Variants in DRC4 observed in about 807,000 individuals in gnomAD.
DRC4 encodes the protein dynein regulatory complex subunit 4, also known as GAS-11.
At chr16:90,034,468 A>C in the DRC4 span, among the ~76,000 whole-genome samples, 9 of 152,050 alleles carry the variant, frequency 5.9e-5, no homozygotes, top group Admixed American at 5.9e-4. Context: ...CTAAAAATAC[A>C]AAAATTAGCC....
the DRC4 span, chr16:90,022,797 A>G: frequency 8.0e-7 from 1 of 1,255,852 alleles, no homozygotes; most frequent in Non-Finnish European, 1.0e-6. Context: ...AGGCCTCGGT[A>G]CACGGAGACC....
At chr16:90,036,535 C>G in the DRC4 span, 4 of 1,608,296 alleles carry the variant, frequency 2.5e-6, no homozygotes, top group Non-Finnish European at 3.4e-6. Flanking sequence ...ACATTAAGAA[C>G]TACTACAACG....
the DRC4 span, chr16:90,043,271 A>G: frequency 6.2e-7 from 1 of 1,613,566 alleles, no homozygotes. Flanking sequence ...CGTGGGCTTC[A>G]AGCCCTTGGA....
chr16:90,041,665 T>G, the DRC4 span, among the ~76,000 whole-genome samples: 3 of 151,950 alleles, frequency 2.0e-5, no homozygotes, highest in Non-Finnish European at 4.4e-5. Flanking sequence ...TTAGCTGGGC[T>G]TGGTGGCGGG....
the DRC4 span, among the ~76,000 whole-genome samples, chr16:90,027,072 C>A: frequency 6.7e-6 from 1 of 148,402 alleles, no homozygotes; most frequent in African/African-American, 2.5e-5. Context: ...ACCAGCACAC[C>A]TGGCTAGGTT....
the DRC4 span, chr16:90,019,697 G>A: frequency 1.8e-6 from 1 of 566,804 alleles, no homozygotes. This position sits in a 1 kb window ranked among gnomAD's most constrained non-coding sequence, Gnocchi z 6.1. Context: ...TCCCGACCCC[G>A]GCCGGGCGTC....
At chr16:90,040,296 A>G in the DRC4 span, 3 of 1,574,340 alleles carry the variant, frequency 1.9e-6, no homozygotes, top group Non-Finnish European at 1.7e-6. Flanking sequence ...CGCTGTCCCT[A>G]CAGGTGCAGC....
the DRC4 span, chr16:90,043,597 C>G: frequency 6.6e-6 from 4 of 606,902 alleles, no homozygotes; most frequent in Non-Finnish European, 9.3e-6. Flanking sequence ...ACTCCCTGGT[C>G]TCACCTCCGA....
the DRC4 span, chr16:90,019,968 G>T: frequency 2.9e-6 from 2 of 698,578 alleles, no homozygotes; most frequent in Non-Finnish European, 5.2e-6. The surrounding 1 kb of genome is among the most constrained non-coding windows in gnomAD (Gnocchi z 6.1). Flanking sequence ...GAGGTAAGGA[G>T]AGGGCGGCGG....
chr16:90,022,847 G>T, the DRC4 span: 1 of 979,526 alleles, frequency 1.0e-6, no homozygotes, highest in African/African-American at 1.7e-5. Context: ...TTCTGGAATT[G>T]AGAGCTCGGT....
chr16:90,040,440 G>C, the DRC4 span: 1 of 1,611,704 alleles, frequency 6.2e-7, no homozygotes, highest in Non-Finnish European at 8.5e-7. Flanking sequence ...AGGAGGTGCA[G>C]TTCAACGAGG....
At chr16:90,037,611 G>A in the DRC4 span, 300,559 of 945,010 alleles carry the variant, frequency 0.32, 50,643 homozygotes, top group African/African-American at 0.49. Context: ...CGTGCTACCG[G>A]CCGGCCTTGG....
chr16:90,040,696 C>G, the DRC4 span, among the ~76,000 whole-genome samples: 1 of 64,226 alleles, frequency 1.6e-5, no homozygotes, highest in Non-Finnish European at 4.7e-5. Context: ...GGCAGGGGAA[C>G]CAGATCAGGG....
chr16:90,026,079 C>T, the DRC4 span, among the ~76,000 whole-genome samples: 2 of 152,050 alleles, frequency 1.3e-5, no homozygotes, highest in Non-Finnish European at 1.5e-5. Flanking sequence ...TGTGATCACA[C>T]CACTGCACTC....
chr16:90,022,806 C>T, the DRC4 span: 4 of 1,225,790 alleles, frequency 3.3e-6, no homozygotes, highest in East Asian at 9.4e-5. Flanking sequence ...TACACGGAGA[C>T]CCTGGGAATG....
At chr16:90,027,220 G>T in the DRC4 span, among the ~76,000 whole-genome samples, 1 of 151,762 alleles carries the variant, frequency 6.6e-6, no homozygotes, top group African/African-American at 2.4e-5. Flanking sequence ...CGAGTAGCTG[G>T]GACTACAGGC....
At chr16:90,043,365 C>A in the DRC4 span, 1 of 1,598,556 alleles carries the variant, frequency 6.3e-7, no homozygotes. Context: ...TGGGGGGCCA[C>A]AGCCCAGAGA....
chr16:90,042,450 C>T, the DRC4 span: 4 of 1,612,560 alleles, frequency 2.5e-6, no homozygotes, highest in Non-Finnish European at 3.4e-6. Flanking sequence ...CTCAAACTCC[C>T]ATCACCTCTC....
chr16:90,028,980 GTGATGGGGTCAGGTT>G, the DRC4 span: 1 of 1,305,050 alleles, frequency 7.7e-7, no homozygotes, highest in Non-Finnish European at 1.0e-6. Context: ...AAGCAGAGAG[GTGATGGGGTCAGGTT>G]TGTGTTCTGG....
Sources: allele counts gnomAD v4.1 joint callset (sites outside exome capture counted in the v4.1 genomes callset), GRCh38; gene constraint gnomAD v4.1.1; non-coding constraint Gnocchi (gnomAD v3.1); transcripts MANE v1.5; gene names NCBI Gene and HGNC (gene_info 2026-07-23, HGNC 2026-07-21).